The following PRKCA variants were observed in gnomAD, a reference collection of about 807,000 sequenced individuals.
PRKCA encodes protein kinase C alpha.
Under a neutral mutation model 87.0 loss-of-function variants are expected in PRKCA, and 27 were observed. That is an observed-to-expected ratio of 0.31 (90% CI 0.23 to 0.43). PRKCA has a LOEUF of 0.43. PRKCA is among the 20% of genes least tolerant of loss of function. The pLI is 1.00. For missense variants in PRKCA, 518 were observed against 852.3 expected (o/e 0.61, Z 4.88); for synonymous variants, 329 against 311.1 (o/e 1.06, Z -0.61).
chr17:66,503,117 G>A (rs1454815929), intron 3 of PRKCA, among the ~76,000 whole-genome samples: 1 of 152,184 alleles, frequency 6.6e-6, no homozygotes, highest in African/African-American at 2.4e-5. Flanking sequence ...AAGGGGTGGT[G>A]GGGGAGAGAG....
chr17:66,565,932 A>T (rs1216139535), intron 3 of PRKCA, among the ~76,000 whole-genome samples: 2 of 152,040 alleles, frequency 1.3e-5, no homozygotes, highest in Non-Finnish European at 2.9e-5. Flanking sequence ...CTAGTCCTCA[A>T]GTGTCTTGCC....
In PRKCA at chr17:66,711,662, C is replaced by T. The variant is rs114961917; in HGVS notation, c.919-21026C>T. On this transcript the variant is annotated intron_variant, in intron 8 of 16. Coordinates refer to ENST00000413366, the MANE Select transcript of PRKCA (RefSeq NM_002737.3). ...AAGATTGTCGCAGTGCTTTTATGTTCGCATTAGATCAAACTGGAAAATTTA... is the reference window on the plus strand; with the variant it reads ...AAGATTGTCGCAGTGCTTTTATGTTTGCATTAGATCAAACTGGAAAATTTA... Among the ~76,000 whole-genome samples, 352 of 152,200 alleles carry T rather than the reference C, an allele frequency of 2.3e-3. 2 individuals carry two copies. The highest frequency in any genetic ancestry group is 8.2e-3 in the African/African-American group (340 of 41,538).
At chr17:66,387,744 A>G (rs1368780065) in intron 2 of PRKCA, among the ~76,000 whole-genome samples, 1 of 152,156 alleles carries the variant, frequency 6.6e-6, no homozygotes, top group Non-Finnish European at 1.5e-5. Context: ...GGTGCCCCGC[A>G]GCAGTTAGAG....
At chr17:66,579,790 G>A (rs1017848303) in intron 3 of PRKCA, among the ~76,000 whole-genome samples, 1 of 152,176 alleles carries the variant, frequency 6.6e-6, no homozygotes, top group Non-Finnish European at 1.5e-5. Flanking sequence ...GGATTTTTAT[G>A]TGATCAGACT....
At chr17:66,307,797 G>A (rs1341791640) in intron 2 of PRKCA, among the ~76,000 whole-genome samples, 1 of 152,066 alleles carries the variant, frequency 6.6e-6, no homozygotes, top group Non-Finnish European at 1.5e-5. Flanking sequence ...AATTAAAAAA[G>A]TGAAACCCAT....
At chr17:66,745,984 A>C (rs2144247504) in intron 13 of PRKCA, among the ~76,000 whole-genome samples, 1 of 152,240 alleles carries the variant, frequency 6.6e-6, no homozygotes, top group South Asian at 2.1e-4. Flanking sequence ...ACAAAAAGAC[A>C]TCAGATGGCC....
chr17:66,796,637 C>A (rs879163978), intron 16 of PRKCA: 24 of 985,348 alleles, frequency 2.4e-5, no homozygotes, highest in Non-Finnish European at 2.9e-5. Context: ...AAGGGCAGAC[C>A]AATGGCCAGA....
chr17:66,759,893 T>C (rs1974643414), intron 13 of PRKCA, among the ~76,000 whole-genome samples: 1 of 152,224 alleles, frequency 6.6e-6, no homozygotes, highest in East Asian at 1.9e-4. Context: ...GTTGTTAATG[T>C]GTGCGTCTGA....
At chr17:66,384,722 G>A (rs969803957) in intron 2 of PRKCA, among the ~76,000 whole-genome samples, 11 of 151,890 alleles carry the variant, frequency 7.2e-5, no homozygotes, top group South Asian at 2.1e-4. Context: ...TCCACCTCCC[G>A]TGTTTATGCC....
chr17:66,697,482 C>A (rs1972952348), intron 8 of PRKCA, among the ~76,000 whole-genome samples: 1 of 152,186 alleles, frequency 6.6e-6, no homozygotes. Flanking sequence ...ATCTGTATTA[C>A]CCCTCCCTCA....
rs1334380407 is a variant in PRKCA at position 66,645,626 on chromosome 17, G to A, written c.529+115G>A. On this transcript the variant is annotated intron_variant, in intron 5 of 16. Coordinates refer to ENST00000413366, the MANE Select transcript of PRKCA (RefSeq NM_002737.3). ...ATGCCCTGAGGCCTCTGGAGAGGCA[G>A]TCGCCCTGGTGGAGCCATCACTGTC... 2.8e-6 allele frequency: 4 copies of A among 1,436,744 alleles called. No homozygotes were observed. The African/African-American group carries it at 4.2e-5, about 15-fold the overall frequency. 89.0% of individuals were successfully genotyped at this position (1,436,744 alleles called of 1,614,324 possible).
At chr17:66,406,732 C>T (rs982728230) in intron 2 of PRKCA, among the ~76,000 whole-genome samples, 1 of 151,872 alleles carries the variant, frequency 6.6e-6, no homozygotes, top group African/African-American at 2.4e-5. Flanking sequence ...GTGGTTGGAG[C>T]CTGATACCAG....
intron 3 of PRKCA, among the ~76,000 whole-genome samples, chr17:66,496,884 C>T (rs1351780432): frequency 6.6e-6 from 1 of 152,050 alleles, no homozygotes; most frequent in Non-Finnish European, 1.5e-5. Flanking sequence ...CTCAAGCAAT[C>T]CACTCGTCTT....
intron 2 of PRKCA, among the ~76,000 whole-genome samples, chr17:66,455,037 A>T (rs1255997567): frequency 6.6e-6 from 1 of 152,156 alleles, no homozygotes; most frequent in Non-Finnish European, 1.5e-5. Context: ...GGGCTGAGAG[A>T]AACTGGGGAT....
chr17:66,467,878 A>T (rs943682894), intron 2 of PRKCA, among the ~76,000 whole-genome samples: 2 of 152,116 alleles, frequency 1.3e-5, no homozygotes, highest in Non-Finnish European at 2.9e-5. Context: ...TTAAAAAACA[A>T]AAACAAAAAA....
At chr17:66,796,599 G>A (rs996307444) in intron 16 of PRKCA, 31 of 985,250 alleles carry the variant, frequency 3.1e-5, no homozygotes, top group South Asian at 2.3e-4. Context: ...CACGTAGCCC[G>A]TTCCCTGAGC....
intron 5 of PRKCA, among the ~76,000 whole-genome samples, chr17:66,672,896 A>G (rs1972230175): frequency 1.3e-5 from 2 of 152,216 alleles, no homozygotes; most frequent in Admixed American, 1.3e-4. Context: ...GGCCATAAAC[A>G]TGCTAATGTG....
intron 2 of PRKCA, among the ~76,000 whole-genome samples, chr17:66,372,914 G>A (rs1296896994): frequency 6.6e-6 from 1 of 151,966 alleles, no homozygotes. Flanking sequence ...AAAATTAGCC[G>A]GGCTTGGTGG....
chr17:66,554,240 A>G (rs78290074), intron 3 of PRKCA, among the ~76,000 whole-genome samples: 1 of 58,658 alleles, frequency 1.7e-5, no homozygotes, highest in Non-Finnish European at 3.2e-5. Flanking sequence ...CGTCTCTATG[A>G]AAAAAAAAAA....
Sources: allele counts gnomAD v4.1 joint callset (sites outside exome capture counted in the v4.1 genomes callset), GRCh38; gene constraint gnomAD v4.1.1; transcripts MANE v1.5; gene names NCBI Gene and HGNC (gene_info 2026-07-23, HGNC 2026-07-21).